The following TUT7 variants were observed in gnomAD, a reference collection of about 807,000 sequenced individuals.
TUT7 encodes terminal uridylyltransferase 7.
TUT7 carries 33 observed loss-of-function variants against 165.9 expected under a neutral mutation model. That is an observed-to-expected ratio of 0.20 (90% CI 0.15 to 0.27). TUT7 has a LOEUF of 0.27. Among genes scored for constraint, TUT7 ranks in the 10% least tolerant of loss-of-function variants. The pLI is 1.00. For synonymous variants in TUT7, 552 were observed against 608.1 expected (o/e 0.91, Z 1.36); for missense variants, 1,338 against 1,762.3 (o/e 0.76, Z 4.31).
intron 8 of TUT7, 67 bp downstream of exon 8, chr9:86,339,969 T>C (rs1219182203): frequency 5.1e-6 from 6 of 1,166,304 alleles, no homozygotes; most frequent in East Asian, 4.7e-5. Flanking sequence ...GACATTAAGA[T>C]GTAGTAAAGT....
At chr9:86,309,397 G>C in intron 20 of TUT7, 66 bp downstream of exon 20, 1 of 1,483,964 alleles carries the variant, frequency 6.7e-7, no homozygotes, top group Non-Finnish European at 9.2e-7. Context: ...CAGAATTTTA[G>C]AGGAGGAGAA....
At chr9:86,322,642 T>C (rs1402466437) in intron 13 of TUT7, among the ~76,000 whole-genome samples, 167 bp from the exon 14 acceptor site, 1 of 152,196 alleles carries the variant, frequency 6.6e-6, no homozygotes, top group Non-Finnish European at 1.5e-5. Context: ...CATCCTATAG[T>C]ATCATTAGGA....
intron 10 of TUT7, among the ~76,000 whole-genome samples, chr9:86,329,324 G>A (rs1830090528): frequency 6.6e-6 from 1 of 151,990 alleles, no homozygotes; most frequent in African/African-American, 2.4e-5. Flanking sequence ...AGGAGTTCGA[G>A]ACCAGCCTGA....
chr9:86,308,488 C>T lies in TUT7; in HGVS notation c.3779G>A (p.Arg1260Lys). Residue 1260 changes from arginine (R) to lysine (K), a missense_variant, in exon 22 of 27, where the codon AGA becomes AAA. Arg to Lys is a conservative substitution (Grantham distance 26). Transcript: ENST00000375963. ...DFKEHVISIR[R>K]KSLLTTFKKQ... ...CTTAAAAGTTGTAAGCAGACTTTTT[C>T]TCCTGATGCTAATAACATGTTCTTT... is the stretch of plus-strand genomic sequence containing the variant. 1 of 1,613,824 alleles carries T rather than the reference C, an allele frequency of 6.2e-7. No homozygotes were observed. The highest frequency in any genetic ancestry group is 8.5e-7 in the Non-Finnish European group (1 of 1,179,898).
rs769316272 is a variant in TUT7, at chr9:86,323,243, C to T, written c.2507G>A (p.Gly836Asp). The T allele has an allele frequency of 1.1e-5, 18 of 1,613,946 alleles. No individual in the cohort carries two copies. The highest frequency in any genetic ancestry group is 2.2e-5 in the South Asian group (2 of 91,086). Reference sequence around the variant, plus strand: ...AGAGGGAATCATTTCTGATGTCTGGCCCTGTACTGAGTGGGTAAAGTGGTT... The same window carrying T: ...AGAGGGAATCATTTCTGATGTCTGGTCCTGTACTGAGTGGGTAAAGTGGTT... ...SLNHFTHSVQ[G>D]QTSEMIPSDE... is the part of the protein sequence containing the mutation. Residue 836 changes from glycine to aspartate, a missense_variant, in exon 13 of 27, where the codon GGC becomes GAC. This residue lies in a region of TUT7 where 425 missense variants were observed against 474.9 expected (regional missense o/e 0.89). Coordinates refer to ENST00000375963, the MANE Select transcript of TUT7 (RefSeq NM_024617.4).
At position 86,352,739 on chromosome 9, in the gene TUT7, A is replaced by G. The variant is rs762007355; in HGVS notation, c.461T>C (p.Leu154Pro). 6.2e-7 allele frequency: 1 copy of G among 1,614,110 alleles called. No homozygotes were observed. The highest frequency in any genetic ancestry group is 1.7e-5 in the Admixed American group (1 of 60,014). Reference protein sequence around the residue: ...DTRGCRTVRRLFHKDLTSLET... With the variant: ...DTRGCRTVRRPFHKDLTSLET... ...TAGGCTTGTTAGGTCTTTATGAAAC[A>G]GTCGTCTTACAGTTCTGCAGCCTCT... is the stretch of plus-strand genomic sequence containing the variant. Residue 154 changes from leucine to proline, a missense_variant, in exon 2 of 27, where the codon CTG becomes CCG. Physicochemically the swap from Leu to Pro is moderately conservative, Grantham distance 98 (BLOSUM62 -3). Around this residue, in one of 7 missense-constraint regions of TUT7, gnomAD observed 434 missense variants for 480.8 expected, o/e 0.90. Transcript: ENST00000375963.
intron 2 of TUT7, among the ~76,000 whole-genome samples, chr9:86,348,420 T>A (rs1401443761): frequency 6.6e-6 from 1 of 152,130 alleles, no homozygotes; most frequent in Non-Finnish European, 1.5e-5. Context: ...CAAGAACACA[T>A]GGCTAAATCA....
At chr9:86,335,339 T>C (rs1180390357) in intron 10 of TUT7, among the ~76,000 whole-genome samples, 1 of 152,170 alleles carries the variant, frequency 6.6e-6, no homozygotes, top group African/African-American at 2.4e-5. Flanking sequence ...TTTTATAATA[T>C]AAAATTATTC....
At chr9:86,337,633 C>T (rs1830926559) in intron 9 of TUT7, 95 bp from the exon 10 acceptor site, 1 of 1,384,434 alleles carries the variant, frequency 7.2e-7, no homozygotes, top group African/African-American at 1.5e-5. Context: ...TTCTTGTTTA[C>T]TACATGATTT....
At chr9:86,352,265 T>TA (rs1486258323) in intron 2 of TUT7, among the ~76,000 whole-genome samples, 4 of 151,816 alleles carry the variant, frequency 2.6e-5, no homozygotes, top group Admixed American at 6.6e-5. Flanking sequence ...GTTTTTTTTT[T>TA]AAAAAAAGCT....
At chr9:86,341,567 G>C (rs896991080) in intron 6 of TUT7, among the ~76,000 whole-genome samples, 1 of 152,162 alleles carries the variant, frequency 6.6e-6, no homozygotes, top group Non-Finnish European at 1.5e-5. Context: ...AATTCGGCCA[G>C]TCAAGCCCAG....
At position 86,337,491 on chromosome 9, in the gene TUT7, C is replaced by T; in HGVS notation, c.1383G>A (p.Val461=). ...GAAAGAAAATGGCCATCAGGGCAAACACATAAGGTGGCAGACCTCCTTCTT... is the reference window on the plus strand; with the variant it reads ...GAAAGAAAATGGCCATCAGGGCAAATACATAAGGTGGCAGACCTCCTTCTT... ...RPEEGGLPPY[V]FALMAIFFLQ... is the part of the protein sequence containing the mutation. The change falls in exon 10 of 27, where the codon GTG becomes GTA. Residue 461 remains valine (V), a synonymous_variant. Coordinates refer to ENST00000375963, the MANE Select transcript of TUT7 (RefSeq NM_024617.4). 1 of 1,613,890 alleles carries T rather than the reference C, an allele frequency of 6.2e-7. No individual in the cohort carries two copies.
chr9:86,329,090 T>A (rs1205899579), intron 10 of TUT7, among the ~76,000 whole-genome samples: 1 of 152,206 alleles, frequency 6.6e-6, no homozygotes, highest in Non-Finnish European at 1.5e-5. Context: ...ATGCTGGACA[T>A]TTTCAAAGTA....
intron 5 of TUT7, among the ~76,000 whole-genome samples, chr9:86,343,801 G>A (rs1214196739): frequency 6.6e-6 from 1 of 152,194 alleles, no homozygotes; most frequent in Non-Finnish European, 1.5e-5. Flanking sequence ...AGGAAGATGT[G>A]TGTGTATATG....
chr9:86,339,838 T>A (rs955663810), intron 8 of TUT7, among the ~76,000 whole-genome samples, 198 bp downstream of exon 8: 1 of 152,240 alleles, frequency 6.6e-6, no homozygotes, highest in South Asian at 2.1e-4. Context: ...TTCTTTTAAG[T>A]CATTTTATTA....
In TUT7 at chr9:86,291,508, G is replaced by A. The variant is rs999762538; in HGVS notation, c.4421-2764C>T. ...AATCGCTTGAATCCAGGAGGCAGAC[G>A]TTGTGGTGAGCCGAGATTGTGCCAT... On this transcript the variant is annotated intron_variant, in intron 26 of 26. Coordinates refer to ENST00000375963, the MANE Select transcript of TUT7 (RefSeq NM_024617.4). Among the ~76,000 whole-genome samples, 10 of 149,732 alleles carry A rather than the reference G, an allele frequency of 6.7e-5. No homozygotes were observed. In the East Asian group the frequency reaches 7.9e-4, roughly 12 times the overall value.
chr9:86,333,824 G>C (rs1001803646), intron 10 of TUT7, among the ~76,000 whole-genome samples: 66 of 139,394 alleles, frequency 4.7e-4, no homozygotes, highest in Non-Finnish European at 1.0e-3. Context: ...AGGCTTTTAG[G>C]GTGAGGTTTT....
rs1220904730 is a variant in TUT7 at position 86,340,985 on chromosome 9, G to A, written c.1138+17C>T. The A allele has an allele frequency of 5.0e-6, 8 of 1,600,106 alleles. No individual in the cohort carries two copies. The highest frequency in any genetic ancestry group is 6.0e-6 in the Non-Finnish European group (7 of 1,171,150). On this transcript the variant is annotated intron_variant, in intron 7 of 26. Transcript: ENST00000375963. ...TAGACAACATAAAAATTTTTTAAAT[G>A]TGGAATTTGGCCTTACCACTGTTCT...
intron 9 of TUT7, 32 bp from the exon 10 acceptor site, chr9:86,337,570 CT>C: frequency 6.3e-7 from 1 of 1,580,238 alleles, no homozygotes; most frequent in Non-Finnish European, 8.6e-7. Flanking sequence ...GTTAAGCATT[CT>C]TTTTGTATGA....
Sources: gnomAD v4.1 joint callset for allele counts (sites outside exome capture counted in the v4.1 genomes callset) on GRCh38, gnomAD v4.1.1 for gene constraint, gnomAD v4.1.1 regional missense constraint, MANE v1.5 for transcripts, NCBI Gene and HGNC (gene_info 2026-07-23, HGNC 2026-07-21) for gene names.